The following TLK2 variants were observed in gnomAD, a reference collection of about 807,000 sequenced individuals.
TLK2 encodes serine/threonine-protein kinase tousled-like 2.
Under a neutral mutation model 117.3 loss-of-function variants are expected in TLK2, and 6 were observed. The ratio of observed to expected loss-of-function variants is 0.05; its 90% CI spans 0.03 to 0.10. The LOEUF (loss-of-function observed/expected upper bound fraction) is 0.10. Ranked by LOEUF, TLK2 falls within the 10% of genes least tolerant of loss-of-function variation. The pLI, the probability that TLK2 is intolerant of heterozygous loss-of-function variation, is 1.00. For synonymous variants in TLK2, 257 were observed against 316.7 expected, an observed-to-expected ratio of 0.81 and a Z score of 2.00; for missense variants, 299 against 901.2, an observed-to-expected ratio of 0.33 and a Z score of 8.56.
chr17:62,541,235 A>AC (rs2077510329), intron 7 of TLK2, among the ~76,000 whole-genome samples: 1 of 152,112 alleles, frequency 6.6e-6, no homozygotes, highest in African/African-American at 2.4e-5. Context: ...ACACCAGCTG[A>AC]CGTACTATGA....
At chr17:62,597,905 T>G (rs187622170) in intron 17 of TLK2, among the ~76,000 whole-genome samples, 1 of 152,338 alleles carries the variant, frequency 6.6e-6, no homozygotes, top group African/African-American at 2.4e-5. Flanking sequence ...AATCAGAATA[T>G]ACCCTAGGTC....
chr17:62,490,819 G>A (rs1287718766), intron 2 of TLK2, among the ~76,000 whole-genome samples: 1 of 152,188 alleles, frequency 6.6e-6, no homozygotes, highest in Non-Finnish European at 1.5e-5. Flanking sequence ...TGGGATTACA[G>A]GCATGAGCCA....
chr17:62,614,124 A>AG lies in TLK2; in HGVS notation c.*1560dup, dbSNP rs1253840032. 2.2e-5 allele frequency: 3 copies of AG among 135,834 alleles called. No individual in the cohort carries two copies. The highest frequency in any genetic ancestry group is 6.2e-5 in the African/African-American group (2 of 32,392). 8.4% of individuals were successfully genotyped at this position (135,834 alleles called of 1,614,324 possible). ...AGGCAACAGAATGAGACTCTGTCTC[A>AG]GAAAAAAAAAAAAAAAAAAAAGGAG... On this transcript the variant is annotated 3_prime_UTR_variant, in exon 22 of 22. Transcript: ENST00000346027.
Position 62,481,220 on chromosome 17 carries a change from TG to T in TLK2, c.81+15del, listed in dbSNP as rs767892159. The T allele has an allele frequency of 1.2e-5, 19 of 1,613,562 alleles. No individual in the cohort carries two copies. In the South Asian group the frequency reaches 1.6e-4, roughly 14 times the overall value. ...GGTGTTAGTAAGGTGAGTAAAATGA[TG>T]ATCATGAACACTATTCATATTCTAA... On this transcript the variant is annotated intron_variant, in intron 2 of 21. Coordinates refer to ENST00000346027, the MANE Select transcript of TLK2 (RefSeq NM_006852.6).
chr17:62,562,590 G>C (rs1295118895), intron 10 of TLK2, among the ~76,000 whole-genome samples: 1 of 152,014 alleles, frequency 6.6e-6, no homozygotes, highest in African/African-American at 2.4e-5. Context: ...GAAAACTCAA[G>C]GTAAAACCAG....
intron 2 of TLK2, among the ~76,000 whole-genome samples, chr17:62,489,665 TAGGTTTATAGAAAATTG>T (rs1183355736): frequency 4.6e-5 from 7 of 152,212 alleles, no homozygotes; most frequent in Non-Finnish European, 7.3e-5. Flanking sequence ...AGAGCACTTT[TAGGTTTATAGAAAATTG>T]AGCTGCTAAT....
intron 2 of TLK2, among the ~76,000 whole-genome samples, chr17:62,503,352 C>G (rs555864888): frequency 5.3e-5 from 8 of 151,708 alleles, no homozygotes; most frequent in African/African-American, 1.9e-4. Context: ...GCCACCGCAC[C>G]GGGCCTGGCT....
chr17:62,575,304 C>G (rs537215990), intron 12 of TLK2, among the ~76,000 whole-genome samples: 1 of 152,280 alleles, frequency 6.6e-6, no homozygotes, highest in East Asian at 1.9e-4. Flanking sequence ...TGGAGTGAGC[C>G]ATATTATCCT....
In TLK2 at chr17:62,563,382, G is replaced by C. The variant is rs114728031; in HGVS notation, c.832-1619G>C. On this transcript the variant is annotated intron_variant, in intron 10 of 21. Transcript: ENST00000346027. ...TCATTGGAGCCAGGAGTTGGAGGCTGTAGTAAGCTGTGATTGCACTGCTGC... is the reference window on the plus strand; with the variant it reads ...TCATTGGAGCCAGGAGTTGGAGGCTCTAGTAAGCTGTGATTGCACTGCTGC... Among the ~76,000 whole-genome samples the C allele has an allele frequency of 5.2e-3, 795 of 152,314 alleles. 5 individuals carry two copies. Among genetic ancestry groups the C allele is most frequent in the African/African-American group, 0.018 (756 of 41,572 alleles).
chr17:62,479,132 G>A lies in TLK2; in HGVS notation c.-164G>A. On this transcript the variant is annotated 5_prime_UTR_variant, in exon 1 of 22. Transcript: ENST00000346027. Reference sequence around the variant, plus strand: ...CCCCGCCCGCCCTCTCGTGGAGCCCGGCGCCGGCGGCGGCTGCCCGGGCGG... The same window carrying A: ...CCCCGCCCGCCCTCTCGTGGAGCCCAGCGCCGGCGGCGGCTGCCCGGGCGG... 6.6e-6 allele frequency: 1 copy of A among 150,598 alleles called. No homozygotes were observed. Among genetic ancestry groups the A allele is most frequent in the South Asian group, 2.0e-4 (1 of 4,944 alleles). The allele number at this position is 150,598 out of a possible 1,614,324, so 9.3% of individuals were successfully genotyped here.
intron 2 of TLK2, among the ~76,000 whole-genome samples, chr17:62,501,106 C>A (rs760062487): frequency 6.6e-6 from 1 of 152,056 alleles, no homozygotes; most frequent in Non-Finnish European, 1.5e-5. Context: ...GGCGTGGTGG[C>A]AGGTGCCTGT....
chr17:62,487,915 G>T (rs375510746), intron 2 of TLK2, among the ~76,000 whole-genome samples: 2 of 149,872 alleles, frequency 1.3e-5, no homozygotes, highest in Admixed American at 6.7e-5. Context: ...GAGCCAGTGC[G>T]CCCGGCGGCA....
chr17:62,523,211 A>C (rs1458805727), intron 5 of TLK2, 34 bp downstream of exon 5: 4 of 1,591,512 alleles, frequency 2.5e-6, no homozygotes, highest in Admixed American at 1.9e-5. Context: ...CAAACAAACA[A>C]AACAAAACAA....
At chr17:62,591,288 T>C (rs759279319) in intron 16 of TLK2, among the ~76,000 whole-genome samples, 16 of 152,022 alleles carry the variant, frequency 1.1e-4, no homozygotes, top group Non-Finnish European at 1.9e-4. Flanking sequence ...TTTCTAGCCC[T>C]TCTGTAAAAT....
At chr17:62,531,837 T>C (rs1430445350) in intron 6 of TLK2, among the ~76,000 whole-genome samples, 1 of 152,210 alleles carries the variant, frequency 6.6e-6, no homozygotes, top group African/African-American at 2.4e-5. Context: ...CCCCCAACTC[T>C]TACACTGCCA....
chr17:62,608,216 A>G, intron 21 of TLK2, 68 bp downstream of exon 21: 1 of 1,223,464 alleles, frequency 8.2e-7, no homozygotes, highest in Non-Finnish European at 1.2e-6. Flanking sequence ...TTTTTTGGGT[A>G]ATAGTGGATG....
Position 62,576,966 on chromosome 17 carries a change from C to CTTTTTTTTTTTTTTTTTTTTTTTTTT in TLK2, c.1188+205_1188+206insTTTTTTTTTTTTTTTTTTTTTTTTTT, listed in dbSNP as rs59523807. Among the ~76,000 whole-genome samples the CTTTTTTTTTTTTTTTTTTTTTTTTTT allele has an allele frequency of 1.3e-3, 153 of 115,922 alleles. 1 individual carries two copies. Among genetic ancestry groups the CTTTTTTTTTTTTTTTTTTTTTTTTTT allele is most frequent in the Non-Finnish European group, 2.3e-3 (129 of 56,868 alleles). 76.0% of individuals were successfully genotyped at this position (115,922 alleles called of 152,430 possible). ...ATATTTTTCCATTTTCTTTCTTCTTCTTTTTTTTTTTTTTGAGTTGGAGTC... is the reference window on the plus strand; with the variant it reads ...ATATTTTTCCATTTTCTTTCTTCTTCTTTTTTTTTTTTTTTTTTTTTTTTTTTTTTTTTTTTTTTTGAGTTGGAGTC... On this transcript the variant is annotated intron_variant, in intron 13 of 21. Transcript: ENST00000346027.
At chr17:62,600,549 G>A in intron 17 of TLK2, 102 bp from the exon 18 acceptor site, 1 of 928,282 alleles carries the variant, frequency 1.1e-6, no homozygotes, top group Non-Finnish European at 1.6e-6. Flanking sequence ...GAAGAAAGGA[G>A]TGAGAAGCTG....
upstream of TLK2, among the ~76,000 whole-genome samples, chr17:62,476,312 G>A (rs1396577265): frequency 7.2e-5 from 11 of 151,986 alleles, no homozygotes; most frequent in Middle Eastern, 3.2e-3. Flanking sequence ...GGCCAGGCGC[G>A]GTGGCTCATG....
Sources: gnomAD v4.1 joint callset for allele counts (sites outside exome capture counted in the v4.1 genomes callset) on GRCh38, gnomAD v4.1.1 for gene constraint, MANE v1.5 for transcripts, NCBI Gene and HGNC (gene_info 2026-07-23, HGNC 2026-07-21) for gene names.